ANKRA2: variants seen among roughly 807,000 people sequenced by gnomAD.
ANKRA2 encodes ankyrin repeat family A protein 2.
A neutral mutation model predicts 37.8 loss-of-function variants in ANKRA2; 33 were observed. That is an observed-to-expected ratio of 0.87 (90% confidence interval 0.66 to 1.17). ANKRA2 has a LOEUF of 1.17. Ranked by LOEUF, ANKRA2 falls within the 50% of genes most tolerant of loss-of-function variation. ANKRA2 has a pLI of 0.00. For missense variants in ANKRA2, 326 were observed against 373.7 expected, an observed-to-expected ratio of 0.87 and a Z score of 1.05; for synonymous variants, 126 against 132.3, an observed-to-expected ratio of 0.95 and a Z score of 0.33.
At chr5:73,557,139 C>A (rs1302962224) in intron 4 of ANKRA2, among the ~76,000 whole-genome samples, 1 of 150,728 alleles carries the variant, frequency 6.6e-6, no homozygotes, top group Non-Finnish European at 1.5e-5. Context: ...ACATGCAATA[C>A]AATGCACACT....
At chr5:73,553,373 T>C in intron 8 of ANKRA2, 33 bp downstream of exon 8, 1 of 1,529,462 alleles carries the variant, frequency 6.5e-7, no homozygotes, top group Non-Finnish European at 9.0e-7. Flanking sequence ...AGAGCTTTAC[T>C]AAGATGAGAC....
rs343108 is a variant in ANKRA2 at position 73,565,484 on chromosome 5, G to T, written c.-457C>A. ...CTAAAAAACGTTCCGCAGCAATGCA[G>T]CTGAAACTTTCGGGTTTTCTTTTTT... On this transcript the variant is annotated 5_prime_UTR_variant, in exon 1 of 9. In the 5' UTR this introduces an upstream ATG that the reference lacks. Transcript: ENST00000296785. 6 of 257,900 alleles carry T rather than the reference G, an allele frequency of 2.3e-5. No homozygotes were observed. The highest frequency in any genetic ancestry group is 3.1e-3 in the Middle Eastern group (2 of 640). 16.0% of individuals were successfully genotyped at this position (257,900 alleles called of 1,614,324 possible). A position where few individuals can be genotyped will look rare whatever the true frequency, so the allele number is the denominator to read the frequency against.
chr5:73,563,032 A>G (rs927979981), intron 1 of ANKRA2, 47 bp from the exon 2 acceptor site: 17 of 645,184 alleles, frequency 2.6e-5, no homozygotes, highest in Non-Finnish European at 4.0e-5. Flanking sequence ...CAGCTTAGGT[A>G]AAAACACACA....
At chr5:73,555,087 T>A in intron 5 of ANKRA2, 101 bp from the exon 6 acceptor site, 1 of 1,502,630 alleles carries the variant, frequency 6.7e-7, no homozygotes, top group Non-Finnish European at 8.8e-7. Flanking sequence ...GGCCTGGTAA[T>A]GTTCTGGGCT....
intron 3 of ANKRA2, among the ~76,000 whole-genome samples, chr5:73,559,265 AATATAG>A (rs1430076157): frequency 3.3e-5 from 5 of 152,240 alleles, no homozygotes; most frequent in African/African-American, 1.2e-4. Flanking sequence ...CATGCTTTAG[AATATAG>A]ATATATTTAT....
At chr5:73,555,884 G>A (rs1258763752) in intron 4 of ANKRA2, among the ~76,000 whole-genome samples, 1 of 152,182 alleles carries the variant, frequency 6.6e-6, no homozygotes. Flanking sequence ...AGAATCAGGA[G>A]ACCACAGTTT....
intron 4 of ANKRA2, 90 bp downstream of exon 4, chr5:73,557,485 T>C (rs971780229): frequency 6.1e-6 from 5 of 813,610 alleles, no homozygotes; most frequent in Non-Finnish European, 7.1e-6. Context: ...TTTGTTTTTG[T>C]CTTTAGGACT....
chr5:73,563,224 G>A (rs1243430059), intron 1 of ANKRA2, among the ~76,000 whole-genome samples: 1 of 152,128 alleles, frequency 6.6e-6, no homozygotes, highest in Admixed American at 6.6e-5. Flanking sequence ...TTATAAAATA[G>A]GGATATCACC....
chr5:73,557,802 C>T (rs888005074), intron 3 of ANKRA2, among the ~76,000 whole-genome samples, 162 bp from the exon 4 acceptor site: 2 of 152,122 alleles, frequency 1.3e-5, no homozygotes, highest in Non-Finnish European at 1.5e-5. Context: ...TAAGGCTGGG[C>T]GCAGTGGCTC....
chr5:73,560,051 G>A (rs778979176), intron 3 of ANKRA2, among the ~76,000 whole-genome samples: 4 of 151,974 alleles, frequency 2.6e-5, no homozygotes, highest in Admixed American at 6.6e-5. Context: ...GGTGTGACAC[G>A]CCGTGTCTAG....
chr5:73,561,328 A>C, intron 2 of ANKRA2, 40 bp from the exon 3 acceptor site: 1 of 1,561,594 alleles, frequency 6.4e-7, no homozygotes, highest in Middle Eastern at 1.7e-4. Context: ...AAAGCATTTC[A>C]GTAAGAGTTC....
At chr5:73,564,045 A>T (rs896631933) in intron 1 of ANKRA2, among the ~76,000 whole-genome samples, 2 of 152,044 alleles carry the variant, frequency 1.3e-5, no homozygotes, top group Non-Finnish European at 2.9e-5. Flanking sequence ...CATTAAAATG[A>T]GGCAGCCCTA....
intron 7 of ANKRA2, 136 bp downstream of exon 7, chr5:73,554,186 C>T (rs990004126): frequency 1.1e-5 from 9 of 796,488 alleles, no homozygotes; most frequent in Non-Finnish European, 1.8e-5. Context: ...GTGGCAGGTG[C>T]TCTAAGGGTG....
chr5:73,558,465 G>A (rs1373359374), intron 3 of ANKRA2, among the ~76,000 whole-genome samples: 6 of 151,982 alleles, frequency 3.9e-5, no homozygotes, highest in Non-Finnish European at 2.9e-5. Flanking sequence ...TTTTTATTTC[G>A]AGATTCTATG....
intron 2 of ANKRA2, 81 bp from the exon 3 acceptor site, chr5:73,561,369 CAT>C: frequency 7.4e-7 from 1 of 1,343,070 alleles, no homozygotes; most frequent in Non-Finnish European, 1.0e-6. Flanking sequence ...AAAAGAAATA[CAT>C]GAGGTGTAAT....
At position 73,562,992 on chromosome 5, in the gene ANKRA2, G is replaced by C; in HGVS notation, c.-104-7C>G. 1.0e-6 allele frequency: 1 copy of C among 978,034 alleles called. No individual in the cohort carries two copies. The highest frequency in any genetic ancestry group is 2.7e-5 in the East Asian group (1 of 37,300). 60.6% of individuals were successfully genotyped at this position (978,034 alleles called of 1,614,324 possible). On this transcript the variant is annotated splice_polypyrimidine_tract_variant and splice_region_variant and intron_variant, in intron 1 of 8. Coordinates refer to ENST00000296785, the MANE Select transcript of ANKRA2 (RefSeq NM_023039.5). ...AATCTGGATATTTAAAAATCTGAAA[G>C]AAAAAATTAGAAAATTAAAAGTATT...
chr5:73,564,655 G>A (rs1294996342), intron 1 of ANKRA2, among the ~76,000 whole-genome samples: 7 of 152,246 alleles, frequency 4.6e-5, no homozygotes, highest in Admixed American at 2.6e-4. Context: ...ATTATAAAAA[G>A]GTGTTGAAAT....
In ANKRA2 at chr5:73,562,816, A is replaced by G. The variant is rs201793814; in HGVS notation, c.66T>C (p.Tyr22=). 396 of 1,614,154 alleles carry G rather than the reference A, an allele frequency of 2.5e-4. 1 individual carries two copies. The highest frequency in any genetic ancestry group is 5.7e-5 in the Non-Finnish European group (67 of 1,180,012). The change falls in exon 2 of 9, where the codon TAT becomes TAC. Residue 22 remains tyrosine (Y), a synonymous_variant. Coordinates refer to ENST00000296785, the MANE Select transcript of ANKRA2 (RefSeq NM_023039.5). ...TAATGTCTGGCATGCCAGTTAGGCT[A>G]TAAGTGCTGGGACACTCTTCCACGA... is the stretch of plus-strand genomic sequence containing the variant. The part of the protein sequence containing the change: ...QLIVEECPST[Y]SLTGMPDIKI...
At chr5:73,554,517 G>T in intron 6 of ANKRA2, 129 bp from the exon 7 acceptor site, 1 of 659,712 alleles carries the variant, frequency 1.5e-6, no homozygotes. Context: ...TTTTGTGAAG[G>T]ATACTTAAAT....
Sources: gnomAD v4.1 joint callset for allele counts (sites outside exome capture counted in the v4.1 genomes callset) on GRCh38, gnomAD v4.1.1 for gene constraint, MANE v1.5 for transcripts, NCBI Gene and HGNC (gene_info 2026-07-23, HGNC 2026-07-21) for gene names.